The following KAT2B variants were observed in gnomAD, a reference collection of about 807,000 sequenced individuals.
KAT2B encodes lysine acetyltransferase 2B.
In KAT2B, 36 loss-of-function variants were observed where a neutral mutation model predicts 105.9. The ratio of observed to expected loss-of-function variants is 0.34; its 90% CI spans 0.26 to 0.45. The LOEUF (loss-of-function observed/expected upper bound fraction) is 0.45. Among genes scored for constraint, KAT2B ranks in the 20% least tolerant of loss-of-function variants. KAT2B has a pLI of 1.00. For missense variants in KAT2B, 820 were observed against 1,021.6 expected, an observed-to-expected ratio of 0.80 and a Z score of 2.69; for synonymous variants, 397 against 377.9, an observed-to-expected ratio of 1.05 and a Z score of -0.59.
intron 2 of KAT2B, among the ~76,000 whole-genome samples, chr3:20,079,968 C>T (rs1698491284): frequency 6.6e-6 from 1 of 152,224 alleles, no homozygotes; most frequent in Admixed American, 6.5e-5. Flanking sequence ...CTGACGTCCT[C>T]TGGTCATGAA....
At chr3:20,118,759 A>G (rs1699255383) in intron 7 of KAT2B, among the ~76,000 whole-genome samples, 1 of 146,128 alleles carries the variant, frequency 6.8e-6, no homozygotes, top group Non-Finnish European at 1.5e-5. Flanking sequence ...AGAGAGAGCG[A>G]ACTATATATA....
intron 4 of KAT2B, among the ~76,000 whole-genome samples, chr3:20,100,440 G>A (rs1026786164): frequency 1.3e-5 from 2 of 152,128 alleles, no homozygotes; most frequent in Non-Finnish European, 2.9e-5. Context: ...GAAAGAAGCC[G>A]TTTTACTCAG....
At chr3:20,141,821 G>A (rs1283613762) in intron 13 of KAT2B, among the ~76,000 whole-genome samples, 1 of 127,492 alleles carries the variant, frequency 7.8e-6, no homozygotes, top group Non-Finnish European at 1.6e-5. Context: ...AACAACTTTT[G>A]TTGCTTTTTG....
intron 1 of KAT2B, among the ~76,000 whole-genome samples, chr3:20,063,078 T>C (rs1405316213): frequency 2.0e-5 from 3 of 152,060 alleles, no homozygotes; most frequent in African/African-American, 4.8e-5. Context: ...GTTTTTGTTA[T>C]TTATTTTTAG....
At chr3:20,095,801 A>G (rs2125195475) in intron 3 of KAT2B, among the ~76,000 whole-genome samples, 1 of 152,354 alleles carries the variant, frequency 6.6e-6, no homozygotes, top group South Asian at 2.1e-4. Context: ...CAACAAGTAA[A>G]TAATACCTTT....
chr3:20,048,893 A>G (rs1171548847), intron 1 of KAT2B, among the ~76,000 whole-genome samples: 2 of 151,634 alleles, frequency 1.3e-5, no homozygotes, highest in Admixed American at 6.6e-5. Flanking sequence ...TTTTTTTGAG[A>G]CGGAGTCTTG....
intron 2 of KAT2B, among the ~76,000 whole-genome samples, chr3:20,074,761 A>AT (rs570755915): frequency 4.8e-4 from 73 of 152,296 alleles, no homozygotes; most frequent in African/African-American, 1.7e-3. Context: ...CCACTGAATC[A>AT]TTTAGGATTC....
intron 11 of KAT2B, among the ~76,000 whole-genome samples, chr3:20,136,031 C>G (rs1409357484): frequency 1.3e-5 from 2 of 152,112 alleles, no homozygotes; most frequent in Non-Finnish European, 2.9e-5. Context: ...GACCTCTAGC[C>G]TCATATGGAT....
chr3:20,115,951 C>G (rs1699199872), intron 7 of KAT2B, among the ~76,000 whole-genome samples: 2 of 152,126 alleles, frequency 1.3e-5, no homozygotes, highest in Admixed American at 6.6e-5. Context: ...TTCATCTGAA[C>G]CTCAAGTTTA....
rs183751517 is a variant in KAT2B at position 20,102,873 on chromosome 3, A to G, written c.851+1405A>G. On this transcript the variant is annotated intron_variant, in intron 5 of 17. Transcript: ENST00000263754. ...AAAGTGGGCAGTAGTATCTTTTGAT[A>G]GCCTGTCAAGACCACTTGTGCCCAG... Among the ~76,000 whole-genome samples, 15 of 152,306 alleles carry G rather than the reference A, an allele frequency of 9.8e-5. No homozygotes were observed. In the East Asian group the frequency reaches 2.3e-3, roughly 23 times the overall value.
chr3:20,098,289 C>T (rs142946597), intron 3 of KAT2B, among the ~76,000 whole-genome samples: 46 of 151,786 alleles, frequency 3.0e-4, no homozygotes, highest in African/African-American at 7.5e-4. Context: ...TGGAAAGCTG[C>T]GTCCTAAAGT....
chr3:20,074,309 A>G (rs1451660721), intron 2 of KAT2B, among the ~76,000 whole-genome samples: 2 of 152,218 alleles, frequency 1.3e-5, no homozygotes, highest in African/African-American at 4.8e-5. Context: ...AGGAGGTTTT[A>G]TAATTTAGGA....
At position 20,122,786 on chromosome 3, in the gene KAT2B, A is replaced by G. The variant is rs1270969555; in HGVS notation, c.1395A>G (p.Ala465=). ...NEVMSTITDP[A]AMLGPETNFL... is the part of the protein sequence containing the mutation. ...TTATGTCTACCATCACGGACCCTGC[A>G]GCAATGCTTGGACCAGAGGTCAGCA... Residue 465 remains alanine, a synonymous_variant, in exon 9 of 18, where the codon GCA becomes GCG. Coordinates refer to ENST00000263754, the MANE Select transcript of KAT2B (RefSeq NM_003884.5). 2 of 1,613,504 alleles carry G rather than the reference A, an allele frequency of 1.2e-6. No homozygotes were observed. Among genetic ancestry groups the G allele is most frequent in the Non-Finnish European group, 1.7e-6 (2 of 1,179,708 alleles).
At chr3:20,142,190 T>C (rs1002026180) in intron 13 of KAT2B, among the ~76,000 whole-genome samples, 1 of 152,158 alleles carries the variant, frequency 6.6e-6, no homozygotes, top group East Asian at 1.9e-4. Flanking sequence ...AGCGCAGAGC[T>C]ATTTTAGATG....
rs773232310 is a variant in KAT2B, at chr3:20,122,791, T to C, written c.1400T>C (p.Met467Thr). 3.1e-6 allele frequency: 5 copies of C among 1,612,928 alleles called. No homozygotes were observed. The highest frequency in any genetic ancestry group is 3.3e-4 in the Middle Eastern group (2 of 6,022). The stretch of plus-strand genomic sequence containing the variant: ...TCTACCATCACGGACCCTGCAGCAA[T>C]GCTTGGACCAGAGGTCAGCAGGGTA... ...VMSTITDPAA[M>T]LGPETNFLSA... The change falls in exon 9 of 18, where the codon ATG becomes ACG. Residue 467 changes from methionine to threonine, a missense_variant. Physicochemically the swap from Met to Thr is moderately conservative, Grantham distance 81 (BLOSUM62 -1). Transcript: ENST00000263754.
intron 17 of KAT2B, among the ~76,000 whole-genome samples, chr3:20,149,222 A>T (rs1203354939): frequency 6.6e-6 from 1 of 152,134 alleles, no homozygotes; most frequent in Non-Finnish European, 1.5e-5. Flanking sequence ...CTATGTGGCC[A>T]TATTTTTGGA....
rs752315535 is a variant in KAT2B, at chr3:20,101,478, T to G, written c.851+10T>G. On this transcript the variant is annotated intron_variant, in intron 5 of 17. Transcript: ENST00000263754. ...AAGAGAACTACACAAGGTAATCAGA[T>G]GCAAGTTCTTTTCCTTTGGCCCCAT... 1 of 1,611,824 alleles carries G rather than the reference T, an allele frequency of 6.2e-7. No individual in the cohort carries two copies. The highest frequency in any genetic ancestry group is 8.5e-7 in the Non-Finnish European group (1 of 1,178,146).
At chr3:20,126,518 T>TA (rs34431414) in intron 10 of KAT2B, among the ~76,000 whole-genome samples, 16,629 of 141,556 alleles carry the variant, frequency 0.12, 1,147 homozygotes, top group Admixed American at 0.18. Context: ...ATCCATTGCT[T>TA]AAAAAAAAAA....
chr3:20,079,202 C>CTT (rs61697250), intron 2 of KAT2B, among the ~76,000 whole-genome samples: 10 of 102,170 alleles, frequency 9.8e-5, no homozygotes, highest in East Asian at 3.0e-4. Flanking sequence ...CACCTGGCCT[C>CTT]TTTTTTTTTT....
Sources: allele counts gnomAD v4.1 joint callset (sites outside exome capture counted in the v4.1 genomes callset), GRCh38; gene constraint gnomAD v4.1.1; transcripts MANE v1.5; gene names NCBI Gene and HGNC (gene_info 2026-07-23, HGNC 2026-07-21).